EGF: variants seen among roughly 807,000 people sequenced by gnomAD.
EGF encodes epidermal growth factor.
A neutral mutation model predicts 143.8 loss-of-function variants in EGF; 95 were observed. The observed-to-expected ratio is 0.66, with a 90% CI of 0.56 to 0.78. The LOEUF is 0.78. EGF is among the 30% of genes least tolerant of loss of function. The probability of loss-of-function intolerance (pLI) is 0.00; values close to 1 mark genes in which losing one functional copy is unlikely to be tolerated. For synonymous variants in EGF, 510 were observed against 510.5 expected, an observed-to-expected ratio of 1.00 and a Z score of 0.01; for missense variants, 1,320 against 1,470.9, an observed-to-expected ratio of 0.90 and a Z score of 1.68.
chr4:109,960,076 C>T (rs867028764), intron 6 of EGF, among the ~76,000 whole-genome samples: 3 of 152,094 alleles, frequency 2.0e-5, no homozygotes, highest in Non-Finnish European at 2.9e-5. Context: ...ATTATAACCC[C>T]CTGCTTACAT....
At chr4:109,973,444 A>G (rs1161176505) in intron 11 of EGF, among the ~76,000 whole-genome samples, 1 of 151,914 alleles carries the variant, frequency 6.6e-6, no homozygotes, top group Non-Finnish European at 1.5e-5. Flanking sequence ...GTTTGTTATT[A>G]TCTTCAGGAA....
chr4:110,003,534 C>A (rs925434839), intron 21 of EGF, among the ~76,000 whole-genome samples: 1 of 152,148 alleles, frequency 6.6e-6, no homozygotes, highest in Non-Finnish European at 1.5e-5. Context: ...TATCACTCTT[C>A]CTGGAACGTC....
Position 109,984,867 on chromosome 4 carries a change from A to C in EGF, c.2491+1326A>C, listed in dbSNP as rs536166233. Among the ~76,000 whole-genome samples, 3 of 152,350 alleles carry C rather than the reference A, an allele frequency of 2.0e-5. No homozygotes were observed. The South Asian group carries it at 6.2e-4, about 32-fold the overall frequency. ...AAAACTTCATTAACATTAGGAATAT[A>C]GTGTGTTTAGCAATTTATTTGGCAT... is the stretch of plus-strand genomic sequence containing the variant. On this transcript the variant is annotated intron_variant, in intron 16 of 23. Transcript: ENST00000265171.
chr4:109,971,566 G>C (rs958201966), intron 11 of EGF, among the ~76,000 whole-genome samples: 34 of 152,242 alleles, frequency 2.2e-4, no homozygotes, highest in East Asian at 5.8e-4. Context: ...AGGCGTTCAG[G>C]AGATAGACAG....
chr4:109,914,013 A>T (rs1444907057), intron 1 of EGF, among the ~76,000 whole-genome samples: 1 of 152,214 alleles, frequency 6.6e-6, no homozygotes, highest in Non-Finnish European at 1.5e-5. Context: ...AGGCTCTGAC[A>T]CAACTCCGGA....
intron 1 of EGF, among the ~76,000 whole-genome samples, chr4:109,926,361 T>C (rs892043550): frequency 6.6e-6 from 1 of 150,610 alleles, no homozygotes; most frequent in African/African-American, 2.4e-5. Flanking sequence ...TTTTTTTTTT[T>C]TTTTTTTTTC....
intron 6 of EGF, among the ~76,000 whole-genome samples, chr4:109,959,774 T>C (rs1393486338): frequency 2.0e-5 from 3 of 151,996 alleles, no homozygotes; most frequent in African/African-American, 7.3e-5. Flanking sequence ...TATGTGTACA[T>C]TTTTAGGGGA....
At position 109,998,896 on chromosome 4, in the gene EGF, A is replaced by C. The variant is rs543309064; in HGVS notation, c.3006-783A>C. On this transcript the variant is annotated intron_variant, in intron 20 of 23. Transcript: ENST00000265171. The stretch of plus-strand genomic sequence containing the variant: ...TGTTTTTCAAAGTTGATGCTTTTGC[A>C]AAGGATAATAGAATACAGATGTTTA... Among the ~76,000 whole-genome samples, 14 of 152,374 alleles carry C rather than the reference A, an allele frequency of 9.2e-5. No individual in the cohort carries two copies. In the South Asian group the frequency reaches 2.7e-3, roughly 29 times the overall value.
chr4:110,001,754 T>C, intron 21 of EGF: 3 of 985,418 alleles, frequency 3.0e-6, no homozygotes, highest in Non-Finnish European at 3.6e-6. Flanking sequence ...AAGAGTATCT[T>C]CAACCTCAGA....
chr4:109,995,095 T>C (rs1482744908), intron 20 of EGF, among the ~76,000 whole-genome samples: 1 of 152,194 alleles, frequency 6.6e-6, no homozygotes, highest in Non-Finnish European at 1.5e-5. Context: ...TAAGTATAAA[T>C]CTAAGGAGTT....
chr4:109,919,325 CTCTCTCTCT>C (rs1446916277), intron 1 of EGF, among the ~76,000 whole-genome samples: 1 of 134,060 alleles, frequency 7.5e-6, no homozygotes, highest in Non-Finnish European at 1.6e-5. Context: ...CTCTCTCTCT[CTCTCTCTCT>C]CTCTCTCATC....
intron 18 of EGF, among the ~76,000 whole-genome samples, chr4:109,989,090 C>T (rs1433315181): frequency 6.6e-6 from 1 of 152,134 alleles, no homozygotes; most frequent in African/African-American, 2.4e-5. Context: ...AACTGCAGAG[C>T]TGATGACAGT....
chr4:109,999,481 G>A (rs1027068837), intron 20 of EGF, among the ~76,000 whole-genome samples, 198 bp from the exon 21 acceptor site: 1 of 152,194 alleles, frequency 6.6e-6, no homozygotes, highest in Non-Finnish European at 1.5e-5. Flanking sequence ...AGAGCAAACA[G>A]ACGAAAGGGA....
intron 7 of EGF, among the ~76,000 whole-genome samples, chr4:109,961,460 G>T (rs982115289): frequency 6.6e-6 from 1 of 151,882 alleles, no homozygotes; most frequent in African/African-American, 2.4e-5. Context: ...ATGTATTATA[G>T]GTATTTTCCT....
At chr4:109,936,769 A>G (rs113742548) in intron 1 of EGF, among the ~76,000 whole-genome samples, 14 of 152,182 alleles carry the variant, frequency 9.2e-5, no homozygotes, top group African/African-American at 2.9e-4. Context: ...CCAATAACTT[A>G]TTTATTTCTC....
In EGF at chr4:110,005,937, TC is replaced by T. The variant is rs1332652781; in HGVS notation, c.3291+1317del. Among the ~76,000 whole-genome samples the T allele has an allele frequency of 2.0e-5, 3 of 152,208 alleles. No homozygotes were observed. In the East Asian group the frequency reaches 5.8e-4, roughly 29 times the overall value. ...ACAGTGAATTCCCAGAAAGTAGCTT[TC>T]CTGTAACTGTGCTTTTGACTACCAG... On this transcript the variant is annotated intron_variant, in intron 22 of 23. Coordinates refer to ENST00000265171, the MANE Select transcript of EGF (RefSeq NM_001963.6).
chr4:109,962,976 A>G (rs887674646), intron 8 of EGF, among the ~76,000 whole-genome samples, 197 bp from the exon 9 acceptor site: 1 of 151,540 alleles, frequency 6.6e-6, no homozygotes, highest in African/African-American at 2.4e-5. Flanking sequence ...CTGAGGCAGG[A>G]GAATTGCTTG....
In EGF at chr4:109,913,253, G is replaced by A. The variant is rs970279396; in HGVS notation, c.-83G>A. On this transcript the variant is annotated 5_prime_UTR_variant, in exon 1 of 24. Transcript: ENST00000265171. ...GCCTCCGCTCAGGCAGCCGCATCTG[G>A]GGTCAATCATACTCACCTTGCCCGG... 7 of 1,580,318 alleles carry A rather than the reference G, an allele frequency of 4.4e-6. No homozygotes were observed. Among genetic ancestry groups the A allele is most frequent in the Non-Finnish European group, 6.1e-6 (7 of 1,154,250 alleles).
intron 7 of EGF, 86 bp downstream of exon 7, chr4:109,961,075 C>A: frequency 6.9e-7 from 1 of 1,446,972 alleles, no homozygotes; most frequent in Non-Finnish European, 9.7e-7. Context: ...GGTTGGTGAT[C>A]TTCAATCAGC....
Sources: gnomAD v4.1 joint callset for allele counts (sites outside exome capture counted in the v4.1 genomes callset) on GRCh38, gnomAD v4.1.1 for gene constraint, MANE v1.5 for transcripts, NCBI Gene and HGNC (gene_info 2026-07-23, HGNC 2026-07-21) for gene names.